The following DHX57 variants were observed in gnomAD, a reference collection of about 807,000 sequenced individuals.
The protein encoded by DHX57 is DExH-box helicase 57, also known as putative ATP-dependent RNA helicase DHX57.
A neutral mutation model predicts 156.2 loss-of-function variants in DHX57; 105 were observed. The observed-to-expected ratio is 0.67, with a 90% CI of 0.57 to 0.79. The LOEUF (loss-of-function observed/expected upper bound fraction) is 0.79. Among genes scored for constraint, DHX57 ranks in the 30% least tolerant of loss-of-function variants. The probability of loss-of-function intolerance (pLI) is 0.00; values close to 1 mark genes in which losing one functional copy is unlikely to be tolerated. For missense variants in DHX57, 1,847 were observed against 1,661.9 expected, an observed-to-expected ratio of 1.11 and a Z score of -1.94; for synonymous variants, 704 against 595.6, an observed-to-expected ratio of 1.18 and a Z score of -2.65.
chr2:38,825,617 T>C (rs140408300), intron 16 of DHX57, among the ~76,000 whole-genome samples: 2 of 152,278 alleles, frequency 1.3e-5, no homozygotes, highest in East Asian at 3.9e-4. Context: ...ATATGTACTC[T>C]TAAGCTCTGT....
chr2:38,818,039 A>T (rs1330934266), intron 19 of DHX57, among the ~76,000 whole-genome samples: 1 of 152,258 alleles, frequency 6.6e-6, no homozygotes, highest in Admixed American at 6.5e-5. Flanking sequence ...GTTCTGATAG[A>T]TGTAAGAAAA....
In DHX57 at chr2:38,862,277, C is replaced by T. The variant is rs145119195; in HGVS notation, c.440G>A (p.Arg147Gln). ...DDEPDCCNDE[R>Q]YWPAGQEPSL... ...AGGTTCCTGTCCAGCTGGCCAGTACCGCTCATCGTTACAGCAATCAGGCTC... is the reference window on the plus strand; with the variant it reads ...AGGTTCCTGTCCAGCTGGCCAGTACTGCTCATCGTTACAGCAATCAGGCTC... Residue 147 changes from arginine to glutamine, a missense_variant, in exon 4 of 24, where the codon CGG (arginine) becomes CAG (glutamine). By Grantham distance (43) the Arg-to-Gln change is conservative. Coordinates refer to ENST00000457308, the MANE Select transcript of DHX57 (RefSeq NM_198963.3). The T allele has an allele frequency of 2.7e-5, 43 of 1,611,424 alleles. No homozygotes were observed. Among genetic ancestry groups the T allele is most frequent in the Non-Finnish European group, 3.0e-5 (35 of 1,178,210 alleles).
rs552674380 is a variant in DHX57 at position 38,806,926 on chromosome 2, T to C, written c.3682-233A>G. Among the ~76,000 whole-genome samples the C allele has an allele frequency of 1.2e-4, 18 of 151,200 alleles. No homozygotes were observed. In the East Asian group the frequency reaches 3.3e-3, roughly 28 times the overall value. ...TAGGTGCAGTGGCTCTGGGTGTCTATACCACATTGAGGCCATGTGGGAGAA... is the reference window on the plus strand; with the variant it reads ...TAGGTGCAGTGGCTCTGGGTGTCTACACCACATTGAGGCCATGTGGGAGAA... On this transcript the variant is annotated intron_variant, in intron 21 of 23. Coordinates refer to ENST00000457308, the MANE Select transcript of DHX57 (RefSeq NM_198963.3).
chr2:38,849,747 C>G (rs1054040732), intron 9 of DHX57, among the ~76,000 whole-genome samples: 1 of 152,106 alleles, frequency 6.6e-6, no homozygotes, highest in Non-Finnish European at 1.5e-5. Context: ...CACCTTGGGT[C>G]TTTTGTACAT....
intron 21 of DHX57, among the ~76,000 whole-genome samples, chr2:38,810,254 C>G (rs2148538931): frequency 6.6e-6 from 1 of 151,108 alleles, no homozygotes; most frequent in South Asian, 2.1e-4. Context: ...GTAGCTGCCC[C>G]TCACCCTTCC....
At chr2:38,873,547 C>T (rs116234596) in intron 1 of DHX57, among the ~76,000 whole-genome samples, 4 of 152,288 alleles carry the variant, frequency 2.6e-5, no homozygotes, top group Admixed American at 6.5e-5. Flanking sequence ...TTTTGATTAC[C>T]ACTGTACCCT....
intron 11 of DHX57, 45 bp from the exon 12 acceptor site, chr2:38,843,255 G>A: frequency 6.3e-7 from 1 of 1,594,548 alleles, no homozygotes; most frequent in Non-Finnish European, 8.6e-7. Flanking sequence ...TGGTCCTGTT[G>A]GTGAGGAGGG....
chr2:38,826,798 C>A, intron 14 of DHX57, 109 bp from the exon 15 acceptor site: 1 of 1,192,776 alleles, frequency 8.4e-7, no homozygotes, highest in Non-Finnish European at 1.2e-6. Context: ...GTATTAGCAA[C>A]TTCTCCACAA....
chr2:38,812,929 C>A (rs1161500054), intron 21 of DHX57, among the ~76,000 whole-genome samples: 8 of 151,136 alleles, frequency 5.3e-5, no homozygotes, highest in Non-Finnish European at 1.0e-4. Context: ...CTTACTGCAA[C>A]CTCCGCCTCC....
intron 1 of DHX57, among the ~76,000 whole-genome samples, chr2:38,875,398 G>A (rs1245053400): frequency 6.6e-6 from 1 of 152,094 alleles, no homozygotes; most frequent in Non-Finnish European, 1.5e-5. Flanking sequence ...TCCAGATCTC[G>A]TATCCTTTTT....
Position 38,798,035 on chromosome 2 carries a change from CA to C in DHX57, c.*263del. The C allele has an allele frequency of 2.8e-6, 1 of 361,754 alleles. No homozygotes were observed. Among genetic ancestry groups the C allele is most frequent in the East Asian group, 4.7e-5 (1 of 21,080 alleles). The allele number at this position is 361,754 out of a possible 1,614,324, so 22.4% of individuals were successfully genotyped here. On this transcript the variant is annotated 3_prime_UTR_variant, in exon 24 of 24. Coordinates refer to ENST00000457308, the MANE Select transcript of DHX57 (RefSeq NM_198963.3). ...GTTATCAGGTGAACTTAATTCACTC[CA>C]GAACAATCACAGAGACAAAGACAGG...
intron 1 of DHX57, among the ~76,000 whole-genome samples, chr2:38,870,415 A>G: frequency 6.6e-6 from 1 of 152,274 alleles, no homozygotes; most frequent in East Asian, 1.9e-4. Flanking sequence ...CAAAATAGAC[A>G]TGTTGCAATA....
intron 23 of DHX57, among the ~76,000 whole-genome samples, chr2:38,801,558 C>T (rs1160122649): frequency 2.0e-5 from 3 of 151,734 alleles, no homozygotes; most frequent in Admixed American, 6.6e-5. Flanking sequence ...TACAGGCGCC[C>T]GCCACCACGC....
chr2:38,852,192 C>CT (rs571989806), intron 9 of DHX57, among the ~76,000 whole-genome samples: 374 of 143,636 alleles, frequency 2.6e-3, no homozygotes, highest in African/African-American at 4.8e-3. Flanking sequence ...TGTTCAATTC[C>CT]TTTTTTTTTT....
At chr2:38,862,108 T>G in intron 4 of DHX57, 37 bp downstream of exon 4, 1 of 1,546,278 alleles carries the variant, frequency 6.5e-7, no homozygotes, top group Non-Finnish European at 8.7e-7. Context: ...TTTCCTTGAA[T>G]TCTTTCCCAA....
At chr2:38,833,974 T>C (rs1204380256) in intron 13 of DHX57, among the ~76,000 whole-genome samples, 1 of 152,096 alleles carries the variant, frequency 6.6e-6, no homozygotes, top group African/African-American at 2.4e-5. Context: ...CACACACACA[T>C]ACTTATGGAC....
intron 13 of DHX57, among the ~76,000 whole-genome samples, chr2:38,836,879 G>GTC (rs1233440802): frequency 6.6e-6 from 1 of 151,984 alleles, no homozygotes; most frequent in Admixed American, 6.6e-5. Context: ...TTGAGACAGG[G>GTC]TCTTGCTCTG....
At chr2:38,834,915 TG>T (rs568673520) in intron 13 of DHX57, among the ~76,000 whole-genome samples, 5 of 152,156 alleles carry the variant, frequency 3.3e-5, no homozygotes, top group Non-Finnish European at 7.3e-5. Flanking sequence ...AGTTTTTATG[TG>T]GGAGCAAGAT....
chr2:38,820,901 C>A (rs1402011438), intron 17 of DHX57, among the ~76,000 whole-genome samples: 1 of 147,084 alleles, frequency 6.8e-6, no homozygotes, highest in Non-Finnish European at 1.5e-5. Context: ...GGCAGACTGA[C>A]ACTCTACCCA....
Sources: gnomAD v4.1 joint callset for allele counts (sites outside exome capture counted in the v4.1 genomes callset) on GRCh38, gnomAD v4.1.1 for gene constraint, MANE v1.5 for transcripts, NCBI Gene and HGNC (gene_info 2026-07-23, HGNC 2026-07-21) for gene names.